The following UTS2B variants were observed in gnomAD, a reference collection of about 807,000 sequenced individuals.
UTS2B encodes urotensin 2B, also known as urotensin-2B.
In UTS2B, 21 loss-of-function variants were observed where a neutral mutation model predicts 19.2. The observed-to-expected ratio is 1.09, with a 90% CI of 0.78 to 1.58. UTS2B has a LOEUF of 1.58. Ranked by LOEUF, UTS2B falls within the 40% of genes most tolerant of loss-of-function variation. The probability of loss-of-function intolerance (pLI) is 0.00; values close to 1 mark genes in which losing one functional copy is unlikely to be tolerated. For synonymous variants in UTS2B, 57 were observed against 50.2 expected (o/e 1.14, Z -0.58); for missense variants, 138 against 130.3 (o/e 1.06, Z -0.29).
intron 4 of UTS2B, among the ~76,000 whole-genome samples, chr3:191,300,073 G>A (rs766501636): frequency 2.0e-5 from 3 of 151,120 alleles, no homozygotes; most frequent in Admixed American, 6.6e-5. Flanking sequence ...TCTTTGACAC[G>A]GAGTTTTCGC....
At chr3:191,311,897 T>A (rs961352248) in intron 3 of UTS2B, among the ~76,000 whole-genome samples, 1 of 152,052 alleles carries the variant, frequency 6.6e-6, no homozygotes, top group Non-Finnish European at 1.5e-5. Context: ...CCCAGCACTT[T>A]GGGAGGCCAA....
intron 8 of UTS2B, chr3:191,273,351 C>T: frequency 5.0e-6 from 2 of 399,694 alleles, no homozygotes; most frequent in South Asian, 1.9e-5. Flanking sequence ...GCAGTGCTCA[C>T]CAAGTACTAT....
At chr3:191,315,079 T>C (rs1266448296) in intron 3 of UTS2B, among the ~76,000 whole-genome samples, 3 of 151,780 alleles carry the variant, frequency 2.0e-5, no homozygotes, top group African/African-American at 7.3e-5. Flanking sequence ...TGGCACAATC[T>C]TGGCTCACTG....
At chr3:191,275,713 C>T (rs1326857933) in intron 7 of UTS2B, among the ~76,000 whole-genome samples, 1 of 148,774 alleles carries the variant, frequency 6.7e-6, no homozygotes, top group African/African-American at 2.5e-5. Context: ...AAAAAAAAAC[C>T]ATGCTGCTCT....
chr3:191,319,867 CA>C (rs535836438), intron 2 of UTS2B, among the ~76,000 whole-genome samples: 2,779 of 72,904 alleles, frequency 0.038, 67 homozygotes, highest in African/African-American at 0.11. Flanking sequence ...GACTTGGTCT[CA>C]AAAAAAAAAA....
At chr3:191,291,742 G>T (rs757833193) in intron 4 of UTS2B, among the ~76,000 whole-genome samples, 1 of 152,088 alleles carries the variant, frequency 6.6e-6, no homozygotes, top group East Asian at 1.9e-4. Context: ...GTGAGCCACC[G>T]CGCCCGGCCT....
chr3:191,313,127 TGGGATTA>T lies in UTS2B; in HGVS notation c.-182+2902_-182+2908del, dbSNP rs1717349803. 1.3e-5 allele frequency among the ~76,000 whole-genome samples: 2 copies of T among 151,868 alleles called. 1 individual carries two copies. The highest frequency in any genetic ancestry group is 4.2e-4 in the South Asian group (2 of 4,806). ...CTCCTGCCTCAGCCTCCCAAGTAGC[TGGGATTA>T]CAGGCACCTGTCACCAAGCCTGGCT... On this transcript the variant is annotated intron_variant, in intron 3 of 8. Coordinates refer to ENST00000340524, the MANE Select transcript of UTS2B (RefSeq NM_198152.5).
intron 4 of UTS2B, among the ~76,000 whole-genome samples, chr3:191,295,504 A>G (rs1716835124): frequency 6.6e-6 from 1 of 151,840 alleles, no homozygotes; most frequent in South Asian, 2.1e-4. Context: ...ATTTTCTTTT[A>G]TTATCATGCT....
At chr3:191,318,673 G>A (rs1421247581) in intron 2 of UTS2B, among the ~76,000 whole-genome samples, 1 of 152,172 alleles carries the variant, frequency 6.6e-6, no homozygotes, top group Non-Finnish European at 1.5e-5. Context: ...GTTTCACAAT[G>A]TTGCCCAGGC....
the UTS2B span, among the ~76,000 whole-genome samples, chr3:191,341,644 G>A: frequency 2.0e-5 from 3 of 152,250 alleles, no homozygotes; most frequent in Non-Finnish European, 1.5e-5. Flanking sequence ...GCTGTTTTCA[G>A]CCTTTGTTGG....
intron 4 of UTS2B, among the ~76,000 whole-genome samples, chr3:191,298,686 A>G (rs1716919297): frequency 6.6e-6 from 1 of 152,246 alleles, no homozygotes; most frequent in Non-Finnish European, 1.5e-5. Context: ...TTATAAAGAT[A>G]CCTGAAAATG....
intron 4 of UTS2B, among the ~76,000 whole-genome samples, chr3:191,302,312 T>C (rs1470391855): frequency 6.6e-6 from 1 of 152,210 alleles, no homozygotes; most frequent in Non-Finnish European, 1.5e-5. Flanking sequence ...TCAGTTCCTC[T>C]AATTTCCCAC....
At chr3:191,322,603 A>C (rs1212902714) in intron 2 of UTS2B, among the ~76,000 whole-genome samples, 1 of 152,222 alleles carries the variant, frequency 6.6e-6, no homozygotes, top group African/African-American at 2.4e-5. Flanking sequence ...TGCTGTAAAT[A>C]GGAGCAGAAA....
At chr3:191,269,483 C>G (rs1478116317) in intron 8 of UTS2B, among the ~76,000 whole-genome samples, 1 of 151,620 alleles carries the variant, frequency 6.6e-6, no homozygotes, top group South Asian at 2.1e-4. Flanking sequence ...CTAATCTCAC[C>G]TTCTTCTTTT....
intron 4 of UTS2B, among the ~76,000 whole-genome samples, chr3:191,286,102 C>A (rs891590455): frequency 3.3e-5 from 5 of 152,058 alleles, no homozygotes; most frequent in South Asian, 4.2e-4. Flanking sequence ...TATGTCTGTA[C>A]CAAATATTAG....
intron 4 of UTS2B, among the ~76,000 whole-genome samples, chr3:191,293,271 A>G (rs1337029075): frequency 6.6e-6 from 1 of 152,194 alleles, no homozygotes; most frequent in Admixed American, 6.5e-5. Context: ...TGTAGAATGA[A>G]TTGAAAATGG....
chr3:191,273,709 T>G (rs1198258777), intron 8 of UTS2B: 2 of 349,414 alleles, frequency 5.7e-6, no homozygotes, highest in Non-Finnish European at 1.2e-5. Flanking sequence ...CCAACAAATC[T>G]CTATTTCAAC....
At chr3:191,334,512 T>A (rs998928404), upstream of UTS2B, among the ~76,000 whole-genome samples, 2 of 152,186 alleles carry the variant, frequency 1.3e-5, no homozygotes, top group South Asian at 4.1e-4. Context: ...CCAACTTCCT[T>A]ATTTTCCAGA....
intron 3 of UTS2B, among the ~76,000 whole-genome samples, chr3:191,305,347 A>T (rs950384454): frequency 6.6e-6 from 1 of 152,176 alleles, no homozygotes; most frequent in Non-Finnish European, 1.5e-5. Flanking sequence ...TTGACATTTT[A>T]ATAATAGCCA....
Sources: allele counts gnomAD v4.1 joint callset (sites outside exome capture counted in the v4.1 genomes callset), GRCh38; gene constraint gnomAD v4.1.1; transcripts MANE v1.5; gene names NCBI Gene and HGNC (gene_info 2026-07-23, HGNC 2026-07-21).